MCOLN1: variants seen among roughly 807,000 people sequenced by gnomAD.
MCOLN1 encodes the protein mucolipin-1.
Under a neutral mutation model 70.3 loss-of-function variants are expected in MCOLN1, and 50 were observed. That is an observed-to-expected ratio of 0.71 (90% CI 0.57 to 0.90). The LOEUF is 0.90. MCOLN1 is among the 40% of genes least tolerant of loss of function. The pLI is 0.00. For synonymous variants in MCOLN1, 366 were observed against 341.0 expected, an observed-to-expected ratio of 1.07 and a Z score of -0.81; for missense variants, 598 against 803.5, an observed-to-expected ratio of 0.74 and a Z score of 3.09.
chr19:7,527,761 T>G (rs1568399162), intron 5 of MCOLN1, 103 bp from the exon 6 acceptor site: 1 of 1,150,470 alleles, frequency 8.7e-7, no homozygotes, highest in Admixed American at 1.7e-5. Flanking sequence ...GGTGAGCACT[T>G]CCCCTGCCAG....
In MCOLN1 at chr19:7,528,873, A is replaced by G; in HGVS notation, c.1037A>G (p.Glu346Gly). ...CGGGGACGGGTCATCAGCCTGTGGG[A>G]GCGGCTGGAATTTGTCAATGGCTGG... ...RQRGRVISLW[E>G]RLEFVNGWYI... The change falls in exon 9 of 14, where the codon GAG becomes GGG. Residue 346 changes from glutamate to glycine, a missense_variant. Glu to Gly is a moderately conservative substitution (Grantham distance 98). Around this residue, in one of 3 missense-constraint regions of MCOLN1, gnomAD observed 461 missense variants for 588.4 expected, o/e 0.78. Coordinates refer to ENST00000264079, the MANE Select transcript of MCOLN1 (RefSeq NM_020533.3). The surrounding 1 kb of genome is among the most constrained non-coding windows in gnomAD (Gnocchi z 4.2). The G allele has an allele frequency of 6.2e-7, 1 of 1,614,106 alleles. No individual in the cohort carries two copies. Among genetic ancestry groups the G allele is most frequent in the Non-Finnish European group, 8.5e-7 (1 of 1,179,998 alleles).
Position 7,526,082 on chromosome 19 carries a change from C to G in MCOLN1, c.238-357C>G, listed in dbSNP as rs1425398139. The stretch of plus-strand genomic sequence containing the variant: ...GTCTCAAAAAAGAAAAGAAAAGGGA[C>G]CCAGTCATGGTACTTACCCTGAAAG... On this transcript the variant is annotated intron_variant, in intron 2 of 13. Transcript: ENST00000264079. The surrounding 1 kb of genome is among the most constrained non-coding windows in gnomAD (Gnocchi z 4.6). 1 of 357,420 alleles carries G rather than the reference C, an allele frequency of 2.8e-6. No homozygotes were observed. Among genetic ancestry groups the G allele is most frequent in the Non-Finnish European group, 5.4e-6 (1 of 186,564 alleles). The allele number at this position is 357,420 out of a possible 1,614,324, so 22.1% of individuals were successfully genotyped here.
In MCOLN1 at chr19:7,526,633, G is replaced by T; in HGVS notation, c.405+27G>T. 6.2e-7 allele frequency: 1 copy of T among 1,607,394 alleles called. No individual in the cohort carries two copies. The highest frequency in any genetic ancestry group is 2.2e-5 in the East Asian group (1 of 44,762). On this transcript the variant is annotated intron_variant, in intron 3 of 13. Transcript: ENST00000264079. The surrounding 1 kb of genome is among the most constrained non-coding windows in gnomAD (Gnocchi z 4.6). ...TGCTGGTGGGCGGGCAGGTGCTGGT[G>T]GGCAGGCAGGTGCAGGTGGGCGGGC... is the stretch of plus-strand genomic sequence containing the variant.
intron 10 of MCOLN1, 75 bp from the exon 11 acceptor site, chr19:7,529,515 A>AGGGGGGGCCC: frequency 2.5e-6 from 1 of 407,488 alleles, no homozygotes; most frequent in Non-Finnish European, 4.0e-6. Context: ...CGCCCCTCCC[A>AGGGGGGGCCC]CCCCCATCTG....
Position 7,533,893 on chromosome 19 carries a change from C to G in MCOLN1, c.*98C>G. On this transcript the variant is annotated 3_prime_UTR_variant, in exon 14 of 14. Transcript: ENST00000264079. ...TGTAGGGTTTGCTTTTAAGGATCGG[C>G]TCCCTGTCGCGCCCGAGGAGGGCCT... 6.8e-7 allele frequency: 1 copy of G among 1,469,872 alleles called. No individual in the cohort carries two copies. The highest frequency in any genetic ancestry group is 2.4e-5 in the East Asian group (1 of 41,822). The allele number at this position is 1,469,872 out of a possible 1,614,324, so 91.1% of individuals were successfully genotyped here. A position where few individuals can be genotyped will look rare whatever the true frequency, so the allele number is the denominator to read the frequency against.
chr19:7,526,635 G>A lies in MCOLN1; in HGVS notation c.405+29G>A. The A allele has an allele frequency of 6.2e-7, 1 of 1,603,058 alleles. No homozygotes were observed. The highest frequency in any genetic ancestry group is 8.5e-7 in the Non-Finnish European group (1 of 1,179,098). On this transcript the variant is annotated intron_variant, in intron 3 of 13. Coordinates refer to ENST00000264079, the MANE Select transcript of MCOLN1 (RefSeq NM_020533.3). This position sits in a 1 kb window ranked among gnomAD's most constrained non-coding sequence, Gnocchi z 4.6. ...CTGGTGGGCGGGCAGGTGCTGGTGG[G>A]CAGGCAGGTGCAGGTGGGCGGGCAG...
chr19:7,530,872 C>G (rs551924857), intron 12 of MCOLN1, among the ~76,000 whole-genome samples: 1 of 152,238 alleles, frequency 6.6e-6, no homozygotes, highest in South Asian at 2.1e-4. Context: ...TCCTGAGTAG[C>G]TGGGACTACA....
In MCOLN1 at chr19:7,528,454, C is replaced by G; in HGVS notation, c.878-143C>G. On this transcript the variant is annotated intron_variant, in intron 7 of 13. Transcript: ENST00000264079. The surrounding 1 kb of genome is among the most constrained non-coding windows in gnomAD (Gnocchi z 4.2). ...GACCAGCACTGACCGGGGTTCTTGA[C>G]TCACCCCAAGCAAGCCCTGAGCCCA... 2.6e-6 allele frequency: 3 copies of G among 1,143,866 alleles called. No individual in the cohort carries two copies. Among genetic ancestry groups the G allele is most frequent in the Non-Finnish European group, 3.8e-6 (3 of 791,124 alleles). The allele number at this position is 1,143,866 out of a possible 1,614,324, so 70.9% of individuals were successfully genotyped here.
Position 7,528,311 on chromosome 19 carries a change from G to A in MCOLN1, c.877+54G>A, listed in dbSNP as rs2022602394. ...GACCAGGGGCCCTGGCCTGTCCTGG[G>A]ATTCCCCAAGCCCCAGATCAGCGCT... On this transcript the variant is annotated intron_variant, in intron 7 of 13. Coordinates refer to ENST00000264079, the MANE Select transcript of MCOLN1 (RefSeq NM_020533.3). This position sits in a 1 kb window ranked among gnomAD's most constrained non-coding sequence, Gnocchi z 4.2. 2 of 1,542,266 alleles carry A rather than the reference G, an allele frequency of 1.3e-6. No homozygotes were observed.
In MCOLN1 at chr19:7,530,283, C is replaced by A. The variant is rs2022636741; in HGVS notation, c.1360-3C>A. Reference sequence around the variant, plus strand: ...CCCTCTGACCCCGCCGCCCCTCTGGCAGTTCCGCTCACTCTCCATGGTGTC... The same window carrying A: ...CCCTCTGACCCCGCCGCCCCTCTGGAAGTTCCGCTCACTCTCCATGGTGTC... On this transcript the variant is annotated splice_polypyrimidine_tract_variant and splice_region_variant and intron_variant, in intron 11 of 13. Coordinates refer to ENST00000264079, the MANE Select transcript of MCOLN1 (RefSeq NM_020533.3). 1 of 1,612,076 alleles carries A rather than the reference C, an allele frequency of 6.2e-7. No homozygotes were observed. The highest frequency in any genetic ancestry group is 8.5e-7 in the Non-Finnish European group (1 of 1,179,788).
intron 13 of MCOLN1, 50 bp from the exon 14 acceptor site, chr19:7,533,709 G>A: frequency 6.2e-7 from 1 of 1,614,168 alleles, no homozygotes; most frequent in Non-Finnish European, 8.5e-7. Context: ...GGGGAAAGGG[G>A]AGCGAGCCAG....
chr19:7,526,507 A>G lies in MCOLN1; in HGVS notation c.306A>G (p.Arg102=). 6.2e-7 allele frequency: 1 copy of G among 1,614,158 alleles called. No homozygotes were observed. Residue 102 remains arginine (R), a synonymous_variant, in exon 3 of 14, where the codon CGA becomes CGG. Coordinates refer to ENST00000264079, the MANE Select transcript of MCOLN1 (RefSeq NM_020533.3). This position sits in a 1 kb window ranked among gnomAD's most constrained non-coding sequence, Gnocchi z 4.6. ...GGGAAGAGAACACCATCGCCTTCCG[A>G]CACCTCTTCCTGCTGGGCTACTCGG... ...TFREENTIAF[R]HLFLLGYSDG...
chr19:7,525,262 C>A lies in MCOLN1; in HGVS notation c.237+96C>A, dbSNP rs748984455. The A allele has an allele frequency of 8.8e-7, 1 of 1,140,240 alleles. No homozygotes were observed. The highest frequency in any genetic ancestry group is 1.3e-6 in the Non-Finnish European group (1 of 771,522). The allele number at this position is 1,140,240 out of a possible 1,614,324, so 70.6% of individuals were successfully genotyped here. ...AAAGCAGCACTTTGGAAGGCCGAGG[C>A]CGGTGGATCGCTTGAGGCTGGGAGT... On this transcript the variant is annotated intron_variant, in intron 2 of 13. Coordinates refer to ENST00000264079, the MANE Select transcript of MCOLN1 (RefSeq NM_020533.3). The surrounding 1 kb of genome is among the most constrained non-coding windows in gnomAD (Gnocchi z 4.2).
chr19:7,527,723 G>GC (rs762529287), intron 5 of MCOLN1, 95 bp downstream of exon 5: 34 of 1,076,500 alleles, frequency 3.2e-5, no homozygotes, highest in East Asian at 1.4e-4. Flanking sequence ...TGGGGACAGG[G>GC]CCCCCCCGCC....
chr19:7,525,805 G>A lies in MCOLN1; in HGVS notation c.238-634G>A, dbSNP rs989187446. The A allele has an allele frequency of 5.9e-6, 1 of 169,808 alleles. No individual in the cohort carries two copies. Among genetic ancestry groups the A allele is most frequent in the South Asian group, 1.4e-4 (1 of 7,196 alleles). The allele number at this position is 169,808 out of a possible 1,614,324, so 10.5% of individuals were successfully genotyped here. On this transcript the variant is annotated intron_variant, in intron 2 of 13. Coordinates refer to ENST00000264079, the MANE Select transcript of MCOLN1 (RefSeq NM_020533.3). This position sits in a 1 kb window ranked among gnomAD's most constrained non-coding sequence, Gnocchi z 4.2. ...TGTCCAGGCATGGTGGCTCATGCCT[G>A]TAATGCCAGCACTTTGGGAGGCTGA...
Position 7,522,649 on chromosome 19 carries a change from T to C in MCOLN1, c.-102T>C. The C allele has an allele frequency of 7.7e-7, 1 of 1,292,630 alleles. No homozygotes were observed. The highest frequency in any genetic ancestry group is 3.1e-5 in the East Asian group (1 of 32,764). 80.1% of individuals were successfully genotyped at this position (1,292,630 alleles called of 1,614,324 possible). A position where few individuals can be genotyped will look rare whatever the true frequency, so the allele number is the denominator to read the frequency against. ...ACAGATCAGCTGATGCCGGAGGGTT[T>C]GAAGCCGCGCCGCGAGGGAGCGAGG... is the stretch of plus-strand genomic sequence containing the variant. On this transcript the variant is annotated 5_prime_UTR_variant, in exon 1 of 14. Transcript: ENST00000264079.
chr19:7,528,501 T>C lies in MCOLN1; in HGVS notation c.878-96T>C. The stretch of plus-strand genomic sequence containing the variant: ...CCCACTGACCAACCAAAACCAGCCG[T>C]GCAGCCCCCTAGGTCTCCAGCCTGG... On this transcript the variant is annotated intron_variant, in intron 7 of 13. Coordinates refer to ENST00000264079, the MANE Select transcript of MCOLN1 (RefSeq NM_020533.3). The surrounding 1 kb of genome is among the most constrained non-coding windows in gnomAD (Gnocchi z 4.2). 1 of 1,528,544 alleles carries C rather than the reference T, an allele frequency of 6.5e-7. No individual in the cohort carries two copies. The highest frequency in any genetic ancestry group is 8.9e-7 in the Non-Finnish European group (1 of 1,119,698). 94.7% of individuals were successfully genotyped at this position (1,528,544 alleles called of 1,614,324 possible). A position where few individuals can be genotyped will look rare whatever the true frequency, so the allele number is the denominator to read the frequency against.
chr19:7,522,867 T>C, intron 1 of MCOLN1, 86 bp downstream of exon 1: 4 of 1,174,508 alleles, frequency 3.4e-6, no homozygotes, highest in Non-Finnish European at 3.3e-6. Flanking sequence ...TCCTAGTCTC[T>C]TTTTTTCTAA....
Position 7,528,997 on chromosome 19 carries a change from C to A in MCOLN1, c.1134+27C>A. 1 of 1,614,066 alleles carries A rather than the reference C, an allele frequency of 6.2e-7. No homozygotes were observed. The stretch of plus-strand genomic sequence containing the variant: ...TGCGTCCTGCCAACACCCTGGGCCC[C>A]AGGTCCCATCCCTGCTGTCAGTGCC... On this transcript the variant is annotated intron_variant, in intron 9 of 13. Coordinates refer to ENST00000264079, the MANE Select transcript of MCOLN1 (RefSeq NM_020533.3). This position sits in a 1 kb window ranked among gnomAD's most constrained non-coding sequence, Gnocchi z 4.2.
Sources: gnomAD v4.1 joint callset for allele counts (sites outside exome capture counted in the v4.1 genomes callset) on GRCh38, gnomAD v4.1.1 for gene constraint, gnomAD v4.1.1 regional missense constraint, Gnocchi (gnomAD v3.1) non-coding constraint, MANE v1.5 for transcripts, NCBI Gene and HGNC (gene_info 2026-07-23, HGNC 2026-07-21) for gene names.